CLIC2: variants seen among roughly 807,000 people sequenced by gnomAD.
CLIC2 encodes the protein CLIC family member 2, also known as chloride intracellular channel protein 2.
In CLIC2, 9 loss-of-function variants were observed where a neutral mutation model predicts 14.8. That is an observed-to-expected ratio of 0.61 (90% CI 0.37 to 1.06). The LOEUF is 1.06. CLIC2 is among the 50% of genes least tolerant of loss of function. The probability of loss-of-function intolerance (pLI) is 0.01; values close to 1 mark genes in which losing one functional copy is unlikely to be tolerated. For synonymous variants in CLIC2, 61 were observed against 66.3 expected (o/e 0.92, Z 0.39); for missense variants, 148 against 181.4 (o/e 0.82, Z 1.06).
At chrX:155,278,866 G>C (rs1557316082) in intron 5 of CLIC2, 1 of 257,965 alleles carries the variant, frequency 3.9e-6, no homozygotes, top group South Asian at 6.6e-5. Context: ...CCTCAGAGGT[G>C]GGGGTTGCAA....
At chrX:155,312,202 C>A (rs782439138) in intron 1 of CLIC2, among the ~76,000 whole-genome samples, 1 of 111,851 alleles carries the variant, frequency 8.9e-6, no homozygotes, top group Non-Finnish European at 1.9e-5. Context: ...CCTTTTGTTG[C>A]AGTTGTTTTT....
chrX:155,293,729 C>A (rs782332511), intron 3 of CLIC2, among the ~76,000 whole-genome samples: 2 of 111,489 alleles, frequency 1.8e-5, no homozygotes, highest in African/African-American at 6.5e-5. Context: ...ATATTTCACA[C>A]AAACGGAAAC....
chrX:155,308,941 G>C lies in CLIC2; in HGVS notation c.58-9796C>G, dbSNP rs945527363. On this transcript the variant is annotated intron_variant, in intron 1 of 5. Coordinates refer to ENST00000369449, the MANE Select transcript of CLIC2 (RefSeq NM_001289.6). ...GTACTTCAATCAGAAAAAAAATAAG[G>C]TTAATGACAAATAAGTAATCACCAG... Among the ~76,000 whole-genome samples, 3 of 111,319 alleles carry C rather than the reference G, an allele frequency of 2.7e-5. No homozygotes were observed. In the Admixed American group the frequency reaches 2.9e-4, roughly 11 times the overall value.
chrX:155,284,848 T>C (rs1476836009), intron 3 of CLIC2, among the ~76,000 whole-genome samples: 2 of 112,208 alleles, frequency 1.8e-5, no homozygotes, highest in African/African-American at 3.2e-5. Flanking sequence ...GCTGCCATTT[T>C]TAAGACTATT....
At chrX:155,307,032 C>T (rs1557320090) in intron 1 of CLIC2, among the ~76,000 whole-genome samples, 1 of 111,681 alleles carries the variant, frequency 9.0e-6, no homozygotes, top group Non-Finnish European at 1.9e-5. Flanking sequence ...TCTTCACTTA[C>T]TCATTTACTT....
chrX:155,291,155 A>C, intron 3 of CLIC2: 1 of 1,011,627 alleles, frequency 9.9e-7, no homozygotes, highest in Non-Finnish European at 1.4e-6. Context: ...CATTCTGAGA[A>C]TCTAACCTGA....
chrX:155,320,784 C>T (rs2075111491), intron 1 of CLIC2, among the ~76,000 whole-genome samples: 2 of 111,496 alleles, frequency 1.8e-5, no homozygotes, highest in Admixed American at 9.6e-5. Flanking sequence ...GGAGCATGTT[C>T]TAACCCAATG....
intron 1 of CLIC2, among the ~76,000 whole-genome samples, chrX:155,313,340 A>G (rs1448397767): frequency 9.0e-6 from 1 of 111,419 alleles, no homozygotes; most frequent in African/African-American, 3.3e-5. Context: ...TAGAACTACC[A>G]TTTTACCCAG....
At chrX:155,308,378 A>C (rs1367363753) in intron 1 of CLIC2, among the ~76,000 whole-genome samples, 1 of 110,730 alleles carries the variant, frequency 9.0e-6, no homozygotes, top group East Asian at 2.8e-4. Context: ...AAAAGAAAAA[A>C]ATCATAAAAA....
At chrX:155,310,473 T>C (rs1042464055) in intron 1 of CLIC2, 3 of 268,545 alleles carry the variant, frequency 1.1e-5, no homozygotes, top group Non-Finnish European at 2.2e-5. Context: ...TTTGCATTTT[T>C]CTCACCTTGT....
At chrX:155,324,736 AT>A (rs2075129942) in intron 1 of CLIC2, among the ~76,000 whole-genome samples, 1 of 112,047 alleles carries the variant, frequency 8.9e-6, no homozygotes, top group Non-Finnish European at 1.9e-5. Context: ...AACAAAAGCA[AT>A]GGCAACAAAA....
chrX:155,285,304 A>T lies in CLIC2; in HGVS notation c.294-5236T>A, dbSNP rs1226970006. Reference sequence around the variant, plus strand: ...TATGAACCAGTGGTTGTTGTGTGTTATCGAATCTTCACTTTTAAAAATGGG... The same window carrying T: ...TATGAACCAGTGGTTGTTGTGTGTTTTCGAATCTTCACTTTTAAAAATGGG... On this transcript the variant is annotated intron_variant, in intron 3 of 5. Coordinates refer to ENST00000369449, the MANE Select transcript of CLIC2 (RefSeq NM_001289.6). Among the ~76,000 whole-genome samples, 12 of 112,112 alleles carry T rather than the reference A, an allele frequency of 1.1e-4. No homozygotes were observed. In the East Asian group the frequency reaches 3.4e-3, roughly 31 times the overall value.
At chrX:155,300,605 T>G (rs1370116936) in intron 1 of CLIC2, among the ~76,000 whole-genome samples, 39 of 110,625 alleles carry the variant, frequency 3.5e-4, no homozygotes, top group Admixed American at 1.2e-3. Flanking sequence ...GTCAATTTTG[T>G]CTTTTGTTGC....
intron 1 of CLIC2, among the ~76,000 whole-genome samples, chrX:155,314,814 G>T (rs1175584130): frequency 9.0e-6 from 1 of 111,305 alleles, no homozygotes. Flanking sequence ...CCAACTTAAA[G>T]AAATCATAAA....
At chrX:155,293,046 C>G in intron 3 of CLIC2, 1 of 634,540 alleles carries the variant, frequency 1.6e-6, no homozygotes, top group Non-Finnish European at 2.7e-6. Flanking sequence ...TGTACGAGGC[C>G]ACTCTGGATC....
At chrX:155,290,387 C>A in intron 3 of CLIC2, 1 of 455,531 alleles carries the variant, frequency 2.2e-6, no homozygotes, top group East Asian at 3.7e-5. Flanking sequence ...TCCGCTGGGC[C>A]CCTAATTAGT....
At chrX:155,322,263 A>G (rs1316584908) in intron 1 of CLIC2, among the ~76,000 whole-genome samples, 1 of 111,901 alleles carries the variant, frequency 8.9e-6, no homozygotes, top group African/African-American at 3.3e-5. Flanking sequence ...CATTCCTCTC[A>G]GCACCACATC....
chrX:155,284,242 T>TGGGA (rs2074931841), intron 3 of CLIC2, among the ~76,000 whole-genome samples: 1 of 97,020 alleles, frequency 1.0e-5, no homozygotes, highest in Admixed American at 1.3e-4. Flanking sequence ...TCTCAGCCTC[T>TGGGA]TTCTCCCTGG....
At position 155,321,602 on chromosome X, in the gene CLIC2, G is replaced by T. The variant is rs1602959229; in HGVS notation, c.57+12769C>A. Reference sequence around the variant, plus strand: ...AAAGAAAAAACCGGTACCAGCAACTGCAAAAACATACCAAATTGTAAAGAC... The same window carrying T: ...AAAGAAAAAACCGGTACCAGCAACTTCAAAAACATACCAAATTGTAAAGAC... On this transcript the variant is annotated intron_variant, in intron 1 of 5. Transcript: ENST00000369449. Among the ~76,000 whole-genome samples the T allele has an allele frequency of 2.7e-5, 3 of 112,733 alleles. No individual in the cohort carries two copies. The East Asian group carries it at 8.3e-4, about 31-fold the overall frequency.
Sources: gnomAD v4.1 joint callset for allele counts (sites outside exome capture counted in the v4.1 genomes callset) on GRCh38, gnomAD v4.1.1 for gene constraint, MANE v1.5 for transcripts, NCBI Gene and HGNC (gene_info 2026-07-23, HGNC 2026-07-21) for gene names.